Variants in STYX observed in about 807,000 individuals in gnomAD.
STYX encodes serine/threonine/tyrosine interacting protein.
Under a neutral mutation model 42.7 loss-of-function variants are expected in STYX, and 20 were observed. The observed-to-expected ratio is 0.47, with a 90% CI of 0.33 to 0.68. STYX has a LOEUF of 0.68. Among genes scored for constraint, STYX ranks in the 30% least tolerant of loss-of-function variants. STYX has a pLI of 0.02. For synonymous variants in STYX, 78 were observed against 81.9 expected (o/e 0.95, Z 0.26); for missense variants, 226 against 268.5 (o/e 0.84, Z 1.11).
intron 1 of STYX, among the ~76,000 whole-genome samples, chr14:52,731,433 C>CTTTTTTTTT (rs34855760): frequency 1.7e-4 from 18 of 105,626 alleles, no homozygotes; most frequent in Admixed American, 3.7e-4. Flanking sequence ...TGGAGGTTCA[C>CTTTTTTTTT]TTTTTTTTTT....
intron 1 of STYX, among the ~76,000 whole-genome samples, chr14:52,732,266 CT>C (rs529730082): frequency 6.1e-4 from 69 of 112,278 alleles, no homozygotes; most frequent in Admixed American, 8.7e-4. Flanking sequence ...CCAGGCCCAG[CT>C]TTTTTTTTTT....
rs1880640950 is a variant in STYX at position 52,730,359 on chromosome 14, T to C, written c.-116T>C. The C allele has an allele frequency of 1.5e-5, 15 of 1,032,910 alleles. No individual in the cohort carries two copies. Among genetic ancestry groups the C allele is most frequent in the Non-Finnish European group, 1.5e-6 (1 of 683,334 alleles). The allele number at this position is 1,032,910 out of a possible 1,614,324, so 64.0% of individuals were successfully genotyped here. ...TGTGTTAGTTGTAATCCCGCCGCCC[T>C]CCTGTCAGCCCTCCGCTCCGCCGGC... is the stretch of plus-strand genomic sequence containing the variant. On this transcript the variant is annotated 5_prime_UTR_variant, in exon 1 of 11. Transcript: ENST00000354586.
intron 1 of STYX, among the ~76,000 whole-genome samples, chr14:52,734,357 A>C (rs888350318): frequency 2.0e-5 from 3 of 152,148 alleles, no homozygotes; most frequent in East Asian, 3.9e-4. Context: ...AAGCTCAACA[A>C]ATCTTATTCA....
In STYX at chr14:52,771,813, A is replaced by G. The variant is rs1017201429; in HGVS notation, c.*707A>G. On this transcript the variant is annotated 3_prime_UTR_variant, in exon 11 of 11. Transcript: ENST00000354586. ...CTATATTTTAAAAACTACAGTTTCCATGATAAAAGGAAAACGTTTTGATTT... is the reference window on the plus strand; with the variant it reads ...CTATATTTTAAAAACTACAGTTTCCGTGATAAAAGGAAAACGTTTTGATTT... 6.6e-6 allele frequency: 1 copy of G among 152,300 alleles called. No individual in the cohort carries two copies. The highest frequency in any genetic ancestry group is 1.5e-5 in the Non-Finnish European group (1 of 67,938). The allele number at this position is 152,300 out of a possible 1,614,324, so 9.4% of individuals were successfully genotyped here.
At chr14:52,744,715 T>G (rs1422480310) in intron 1 of STYX, 137 bp from the exon 2 acceptor site, 1 of 752,942 alleles carries the variant, frequency 1.3e-6, no homozygotes, top group Non-Finnish European at 2.1e-6. Context: ...TGAAACCAAG[T>G]CTGCTATTTT....
intron 9 of STYX, among the ~76,000 whole-genome samples, chr14:52,766,057 C>T (rs1052728954): frequency 1.3e-5 from 2 of 152,072 alleles, no homozygotes; most frequent in African/African-American, 2.4e-5. Flanking sequence ...AGTGCAGTGG[C>T]GCGATCATGG....
At chr14:52,758,311 T>C (rs563531578) in intron 8 of STYX, among the ~76,000 whole-genome samples, 3 of 152,210 alleles carry the variant, frequency 2.0e-5, no homozygotes, top group Admixed American at 6.5e-5. Context: ...GAGTAGTCTT[T>C]CTTATCAAAA....
rs1332854232 is a variant in STYX at position 52,774,731 on chromosome 14, C to T, written c.*3625C>T. The stretch of plus-strand genomic sequence containing the variant: ...CAAAGTGTATTCTATAGATCAGTAA[C>T]ATTATACTGACATGTAATTGCAATT... On this transcript the variant is annotated 3_prime_UTR_variant, in exon 11 of 11. Coordinates refer to ENST00000354586, the MANE Select transcript of STYX (RefSeq NM_145251.4). The T allele has an allele frequency of 1.3e-5, 2 of 151,796 alleles. No individual in the cohort carries two copies. Among genetic ancestry groups the T allele is most frequent in the Admixed American group, 6.6e-5 (1 of 15,212 alleles). 9.4% of individuals were successfully genotyped at this position (151,796 alleles called of 1,614,324 possible).
chr14:52,741,472 C>G (rs1236891741), intron 1 of STYX, among the ~76,000 whole-genome samples: 2 of 152,038 alleles, frequency 1.3e-5, no homozygotes, highest in Non-Finnish European at 2.9e-5. Context: ...GAGTCTCACT[C>G]TGTCACCCAG....
chr14:52,731,433 C>CTTTTT (rs34855760), intron 1 of STYX, among the ~76,000 whole-genome samples: 1,298 of 105,534 alleles, frequency 0.012, 16 homozygotes, highest in Middle Eastern at 0.016. Context: ...TGGAGGTTCA[C>CTTTTT]TTTTTTTTTT....
chr14:52,764,469 T>G (rs1172092087), intron 9 of STYX, among the ~76,000 whole-genome samples: 1 of 152,162 alleles, frequency 6.6e-6, no homozygotes, highest in Non-Finnish European at 1.5e-5. Context: ...TTAGATTTGG[T>G]ATCATTGTTT....
chr14:52,731,538 A>C (rs375310390), intron 1 of STYX: 1 of 146,964 alleles, frequency 6.8e-6, no homozygotes, highest in Admixed American at 7.2e-5. Context: ...TCCGGGTTCA[A>C]GCGATTCTCC....
rs898557441 is a variant in STYX at position 52,735,812 on chromosome 14, A to G, written c.57+5281A>G. On this transcript the variant is annotated intron_variant, in intron 1 of 10. Transcript: ENST00000354586. ...GGTTGATGATTCTGTCACCTCTACA[A>G]GAATATTACTTTCACGTTTCTTGAA... Among the ~76,000 whole-genome samples, 9 of 152,208 alleles carry G rather than the reference A, an allele frequency of 5.9e-5. 1 individual carries two copies. The highest frequency in any genetic ancestry group is 5.9e-4 in the Admixed American group (9 of 15,286).
At chr14:52,752,512 C>T (rs1047848997) in intron 4 of STYX, among the ~76,000 whole-genome samples, 1 of 151,858 alleles carries the variant, frequency 6.6e-6, no homozygotes, top group African/African-American at 2.4e-5. Flanking sequence ...TACAATGAAA[C>T]CAATCTATAA....
rs1229763974 is a variant in STYX at position 52,773,814 on chromosome 14, G to C, written c.*2708G>C. 6.6e-6 allele frequency: 1 copy of C among 151,782 alleles called. No individual in the cohort carries two copies. Among genetic ancestry groups the C allele is most frequent in the Non-Finnish European group, 1.5e-5 (1 of 67,980 alleles). 9.4% of individuals were successfully genotyped at this position (151,782 alleles called of 1,614,324 possible). ...ATTCTTTTATTACCACTGATGTTTT[G>C]TGATAGTTAACTATGATAAATTTAA... is the stretch of plus-strand genomic sequence containing the variant. On this transcript the variant is annotated 3_prime_UTR_variant, in exon 11 of 11. Coordinates refer to ENST00000354586, the MANE Select transcript of STYX (RefSeq NM_145251.4).
In STYX at chr14:52,772,039, A is replaced by G. The variant is rs1882531401; in HGVS notation, c.*933A>G. On this transcript the variant is annotated 3_prime_UTR_variant, in exon 11 of 11. Coordinates refer to ENST00000354586, the MANE Select transcript of STYX (RefSeq NM_145251.4). The stretch of plus-strand genomic sequence containing the variant: ...TTTTTTTCTAAATGAAGCCCCAAAA[A>G]AGAAAAGTGCCTTGCATCATTTAAA... 1 of 152,486 alleles carries G rather than the reference A, an allele frequency of 6.6e-6. No individual in the cohort carries two copies. The highest frequency in any genetic ancestry group is 6.5e-5 in the Admixed American group (1 of 15,276). 9.4% of individuals were successfully genotyped at this position (152,486 alleles called of 1,614,324 possible). A position where few individuals can be genotyped will look rare whatever the true frequency, so the allele number is the denominator to read the frequency against.
intron 1 of STYX, among the ~76,000 whole-genome samples, chr14:52,742,730 CAG>C (rs988803981): frequency 5.3e-5 from 8 of 151,610 alleles, no homozygotes; most frequent in African/African-American, 1.9e-4. Context: ...TATTAAAACA[CAG>C]GGGACTTCCT....
Position 52,746,463 on chromosome 14 carries a change from C to G in STYX, c.128C>G (p.Ser43Cys). The G allele has an allele frequency of 6.4e-7, 1 of 1,551,984 alleles. No individual in the cohort carries two copies. Among genetic ancestry groups the G allele is most frequent in the Non-Finnish European group, 8.6e-7 (1 of 1,160,288 alleles). The change falls in exon 3 of 11, where the codon TCT becomes TGT. Residue 43 changes from serine (S) to cysteine (C), a missense_variant. Ser to Cys is a moderately radical substitution (Grantham distance 112). Coordinates refer to ENST00000354586, the MANE Select transcript of STYX (RefSeq NM_145251.4). The stretch of plus-strand genomic sequence containing the variant: ...GGATTGTTCTTAGGCCCATATTCAT[C>G]TGCTATGAAAAGCAAGGTATGAACT... ...LPGLFLGPYS[S>C]AMKSKLPVLQ...
chr14:52,732,823 A>G (rs1369342572), intron 1 of STYX, among the ~76,000 whole-genome samples: 1 of 151,568 alleles, frequency 6.6e-6, no homozygotes, highest in Non-Finnish European at 1.5e-5. Flanking sequence ...GGCGCCCGCC[A>G]CCACTCCCGT....
Sources: allele counts gnomAD v4.1 joint callset (sites outside exome capture counted in the v4.1 genomes callset), GRCh38; gene constraint gnomAD v4.1.1; transcripts MANE v1.5; gene names NCBI Gene and HGNC (gene_info 2026-07-23, HGNC 2026-07-21).